KLC4: variants seen among roughly 807,000 people sequenced by gnomAD.
KLC4 encodes the protein kinesin light chain 4, also known as kinesin-like protein 8.
A neutral mutation model predicts 77.2 loss-of-function variants in KLC4; 49 were observed. The ratio of observed to expected loss-of-function variants is 0.63; its 90% CI spans 0.50 to 0.80. The LOEUF (loss-of-function observed/expected upper bound fraction) is 0.80. Among genes scored for constraint, KLC4 ranks in the 30% least tolerant of loss-of-function variants. The probability of loss-of-function intolerance (pLI) is 0.00; values close to 1 mark genes in which losing one functional copy is unlikely to be tolerated. For missense variants in KLC4, 669 were observed against 793.5 expected (o/e 0.84, Z 1.89); for synonymous variants, 274 against 314.5 (o/e 0.87, Z 1.36).
Position 43,060,665 on chromosome 6 carries a change from AG to A in KLC4, c.-25-645del. 2.8e-6 allele frequency: 3 copies of A among 1,068,928 alleles called. No individual in the cohort carries two copies. The South Asian group carries it at 7.2e-5, about 26-fold the overall frequency. 66.2% of individuals were successfully genotyped at this position (1,068,928 alleles called of 1,614,324 possible). On this transcript the variant is annotated intron_variant, in intron 1 of 15. Transcript: ENST00000347162. The stretch of plus-strand genomic sequence containing the variant: ...TCTGAGGAAGTGGGAACACAGTCTG[AG>A]TCCTGGGGGGTGGGAAGTATGGGTT...
At chr6:43,065,509 C>G in intron 3 of KLC4, 111 bp from the exon 4 acceptor site, 1 of 697,868 alleles carries the variant, frequency 1.4e-6, no homozygotes, top group Admixed American at 2.4e-5. Context: ...ACAGGAACAA[C>G]AGTCTTCTCC....
chr6:43,063,248 C>A, intron 3 of KLC4, 101 bp downstream of exon 3: 1 of 838,574 alleles, frequency 1.2e-6, no homozygotes, highest in Non-Finnish European at 1.9e-6. Flanking sequence ...ATCAGCTCTA[C>A]CCAACCTGCT....
intron 3 of KLC4, among the ~76,000 whole-genome samples, chr6:43,065,064 ACTTTTTTTTTT>A (rs1415029132): frequency 6.6e-6 from 1 of 151,726 alleles, no homozygotes; most frequent in Non-Finnish European, 1.5e-5. Context: ...TAGAAAGGAA[ACTTTTTTTTTT>A]CTTTTTTTTT....
At chr6:43,070,081 GACAACA>G (rs1210923495) in intron 6 of KLC4, among the ~76,000 whole-genome samples, 1 of 134,548 alleles carries the variant, frequency 7.4e-6, no homozygotes, top group Admixed American at 7.9e-5. Flanking sequence ...TCTTCATGGT[GACAACA>G]ACAACAACAA....
intron 2 of KLC4, among the ~76,000 whole-genome samples, chr6:43,062,354 C>T (rs1049431873): frequency 1.3e-5 from 2 of 152,240 alleles, no homozygotes; most frequent in African/African-American, 2.4e-5. Flanking sequence ...AAGCGATTCT[C>T]CTGCCTCAGC....
Position 43,073,949 on chromosome 6 carries a change from G to A in KLC4, c.1793G>A (p.Ser598Asn), listed in dbSNP as rs140073409. The A allele has an allele frequency of 8.7e-6, 14 of 1,611,778 alleles. No homozygotes were observed. The highest frequency in any genetic ancestry group is 1.2e-5 in the Non-Finnish European group (14 of 1,178,898). The part of the protein sequence containing the change: ...AASLNYLNQP[S>N]AAPLQVSRGL... The stretch of plus-strand genomic sequence containing the variant: ...TCCTTGAACTATCTGAACCAACCTA[G>A]TGCAGCACCCCTCCAGGTGAGAGCA... Residue 598 changes from serine to asparagine, a missense_variant, in exon 15 of 16, where the codon AGT (serine) becomes AAT (asparagine). Transcript: ENST00000347162.
At chr6:43,071,137 C>T (rs1394549842) in intron 8 of KLC4, 138 bp from the exon 9 acceptor site, 17 of 648,152 alleles carry the variant, frequency 2.6e-5, no homozygotes, top group South Asian at 2.6e-4. Context: ...TGAGAAAGAT[C>T]TCTGGGGAAA....
Position 43,071,665 on chromosome 6 carries a change from G to T in KLC4, c.1308+46G>T, listed in dbSNP as rs75664886. 1.9e-6 allele frequency: 3 copies of T among 1,585,484 alleles called. No individual in the cohort carries two copies. In the Admixed American group the frequency reaches 5.0e-5, roughly 27 times the overall value. ...CCAGCCTGGGGAGCTCAAGGCTACC[G>T]GGGTCTCTGTCTTACTCCTTGCATT... On this transcript the variant is annotated intron_variant, in intron 10 of 15. Coordinates refer to ENST00000347162, the MANE Select transcript of KLC4 (RefSeq NM_201521.3).
intron 6 of KLC4, 184 bp downstream of exon 6, chr6:43,067,267 C>T (rs1765483801): frequency 7.9e-7 from 1 of 1,257,898 alleles, no homozygotes. Context: ...TTCTCTGAGA[C>T]TCAGTGACTC....
intron 8 of KLC4, 40 bp downstream of exon 8, chr6:43,070,905 G>GAGAC: frequency 1.3e-6 from 1 of 783,056 alleles, no homozygotes; most frequent in African/African-American, 2.0e-5. Context: ...GAAACGGAGA[G>GAGAC]GGGGGCACAG....
chr6:43,067,362 T>C (rs1264233681), intron 6 of KLC4: 1 of 519,594 alleles, frequency 1.9e-6, no homozygotes, highest in Non-Finnish European at 3.1e-6. Context: ...AAACTTAATA[T>C]GCTACTCTAA....
chr6:43,071,140 TG>T, intron 8 of KLC4, 134 bp from the exon 9 acceptor site: 1 of 648,670 alleles, frequency 1.5e-6, no homozygotes, highest in Non-Finnish European at 2.6e-6. Flanking sequence ...GAAAGATCTC[TG>T]GGGAAAGTGA....
chr6:43,063,109 G>A lies in KLC4; in HGVS notation c.451G>A (p.Gly151Arg). 1 of 1,614,120 alleles carries A rather than the reference G, an allele frequency of 6.2e-7. No individual in the cohort carries two copies. Among genetic ancestry groups the A allele is most frequent in the South Asian group, 1.1e-5 (1 of 91,068 alleles). The part of the protein sequence containing the change: ...EEEKKHLEFL[G>R]QLRQYDEDGH... ...GGAAAAGAAGCACCTGGAGTTCCTG[G>A]GGCAGCTGCGGCAGTATGATGAGGA... is the stretch of plus-strand genomic sequence containing the variant. Residue 151 changes from glycine to arginine, a missense_variant, in exon 3 of 16, where the codon GGG (glycine) becomes AGG (arginine). Coordinates refer to ENST00000347162, the MANE Select transcript of KLC4 (RefSeq NM_201521.3).
chr6:43,070,776 G>C lies in KLC4; in HGVS notation c.1066G>C (p.Val356Leu). 1 of 1,614,152 alleles carries C rather than the reference G, an allele frequency of 6.2e-7. No homozygotes were observed. The highest frequency in any genetic ancestry group is 8.5e-7 in the Non-Finnish European group (1 of 1,180,012). Reference protein sequence around the residue: ...LCQNQGKYEAVERYYQRALAI... With the variant: ...LCQNQGKYEALERYYQRALAI... ...CCAAAACCAGGGCAAGTATGAGGCC[G>C]TGGAACGCTACTACCAGCGAGCACT... The change falls in exon 8 of 16, where the codon GTG (valine) becomes CTG (leucine). Residue 356 changes from valine (V) to leucine (L), a missense_variant. Val to Leu is a conservative substitution (Grantham distance 32, BLOSUM62 1). Coordinates refer to ENST00000347162, the MANE Select transcript of KLC4 (RefSeq NM_201521.3).
Position 43,066,972 on chromosome 6 carries a change from C to A in KLC4, c.792-24C>A, listed in dbSNP as rs2150354586. ...GAAGGCTTGCGGGTTCAGGGTAACT[C>A]CTGTCACTTTTGTCTTCTTCCAGTG... On this transcript the variant is annotated intron_variant, in intron 5 of 15. Transcript: ENST00000347162. The A allele has an allele frequency of 3.7e-6, 6 of 1,604,376 alleles. No individual in the cohort carries two copies. The East Asian group carries it at 6.7e-5, about 18-fold the overall frequency.
Position 43,061,303 on chromosome 6 carries a change from C to T in KLC4, c.-25-8C>T. The T allele has an allele frequency of 6.2e-7, 1 of 1,607,118 alleles. No homozygotes were observed. On this transcript the variant is annotated splice_region_variant and splice_polypyrimidine_tract_variant and intron_variant, in intron 1 of 15. Transcript: ENST00000347162. Reference sequence around the variant, plus strand: ...TTACACCAGCTGAACTCTGTTGTTTCTCCCTAGACCGGGCAAGGTCCCCCA... The same window carrying T: ...TTACACCAGCTGAACTCTGTTGTTTTTCCCTAGACCGGGCAAGGTCCCCCA...
At position 43,071,536 on chromosome 6, in the gene KLC4, C is replaced by T. The variant is rs568382350; in HGVS notation, c.1256-31C>T. ...CTCCGACACTGTCTAGCTCCCATCT[C>T]TAACCTCCCCACCCCATGTATCACC... is the stretch of plus-strand genomic sequence containing the variant. On this transcript the variant is annotated intron_variant, in intron 9 of 15. Coordinates refer to ENST00000347162, the MANE Select transcript of KLC4 (RefSeq NM_201521.3). 8 of 1,607,822 alleles carry T rather than the reference C, an allele frequency of 5.0e-6. No homozygotes were observed. In the African/African-American group the frequency reaches 1.1e-4, roughly 21 times the overall value.
chr6:43,070,044 A>G (rs942921394), intron 6 of KLC4, among the ~76,000 whole-genome samples: 3 of 151,448 alleles, frequency 2.0e-5, no homozygotes, highest in African/African-American at 7.3e-5. Context: ...CAGAACATCT[A>G]TAGCGTTCTT....
chr6:43,073,522 C>T, intron 14 of KLC4, 184 bp downstream of exon 14: 2 of 543,036 alleles, frequency 3.7e-6, no homozygotes, highest in South Asian at 4.1e-5. Context: ...TGGCAGGTGC[C>T]TGTAATCTCA....
Sources: allele counts gnomAD v4.1 joint callset (sites outside exome capture counted in the v4.1 genomes callset), GRCh38; gene constraint gnomAD v4.1.1; transcripts MANE v1.5; gene names NCBI Gene and HGNC (gene_info 2026-07-23, HGNC 2026-07-21).